SLC35F1: variants seen among roughly 807,000 people sequenced by gnomAD.
SLC35F1 encodes chromosome 6 open reading frame 169.
SLC35F1 carries 14 observed loss-of-function variants against 48.7 expected under a neutral mutation model. The ratio of observed to expected loss-of-function variants is 0.29; its 90% CI spans 0.19 to 0.45. The LOEUF (loss-of-function observed/expected upper bound fraction) is 0.45. Ranked by LOEUF, SLC35F1 falls within the 20% of genes least tolerant of loss-of-function variation. The pLI is 1.00. For synonymous variants in SLC35F1, 190 were observed against 202.2 expected (o/e 0.94, Z 0.51); for missense variants, 404 against 500.0 (o/e 0.81, Z 1.83).
chr6:118,014,268 T>C (rs1346601498), intron 1 of SLC35F1, among the ~76,000 whole-genome samples: 1 of 152,172 alleles, frequency 6.6e-6, no homozygotes, highest in Non-Finnish European at 1.5e-5. Flanking sequence ...TCAAAATGTA[T>C]ATTGTAGTTT....
At position 118,134,374 on chromosome 6, in the gene SLC35F1, G is replaced by A. The variant is rs563938926; in HGVS notation, c.174-20071G>A. 3.9e-5 allele frequency among the ~76,000 whole-genome samples: 6 copies of A among 152,298 alleles called. No homozygotes were observed. The South Asian group carries it at 1.2e-3, about 32-fold the overall frequency. On this transcript the variant is annotated intron_variant, in intron 1 of 7. Coordinates refer to ENST00000360388, the MANE Select transcript of SLC35F1 (RefSeq NM_001029858.4). ...AAACACTTACTTTATCATCTGTCAA[G>A]TCCAGTTGGAAACAGGGAATTAGAA... is the stretch of plus-strand genomic sequence containing the variant.
intron 7 of SLC35F1, among the ~76,000 whole-genome samples, chr6:118,288,877 T>G (rs1007067977): frequency 1.3e-5 from 2 of 152,090 alleles, no homozygotes. Flanking sequence ...CTTGCCAAAC[T>G]GCAGTACAAA....
At chr6:118,182,588 A>G (rs1302767479) in intron 2 of SLC35F1, among the ~76,000 whole-genome samples, 5 of 150,862 alleles carry the variant, frequency 3.3e-5, no homozygotes, top group Non-Finnish European at 7.4e-5. Flanking sequence ...AATTTAGGTC[A>G]GGTACAGTGG....
chr6:118,053,079 G>GAA (rs201602105), intron 1 of SLC35F1, among the ~76,000 whole-genome samples: 42 of 146,860 alleles, frequency 2.9e-4, no homozygotes, highest in Non-Finnish European at 6.2e-4. Flanking sequence ...GCCTCATTTT[G>GAA]AAAAAAAAAA....
chr6:118,200,947 G>A (rs7767442), intron 2 of SLC35F1, among the ~76,000 whole-genome samples: 5 of 152,102 alleles, frequency 3.3e-5, no homozygotes, highest in Admixed American at 2.0e-4. Flanking sequence ...GTGCAATGAC[G>A]TGACGATTGC....
chr6:118,135,242 CTT>C (rs1335316006), intron 1 of SLC35F1, among the ~76,000 whole-genome samples: 1 of 152,192 alleles, frequency 6.6e-6, no homozygotes, highest in Non-Finnish European at 1.5e-5. Context: ...AATTTTGCCT[CTT>C]ATTTGTTAAC....
chr6:117,969,379 T>C (rs992117575), intron 1 of SLC35F1, among the ~76,000 whole-genome samples: 1 of 152,198 alleles, frequency 6.6e-6, no homozygotes, highest in African/African-American at 2.4e-5. Flanking sequence ...GTTGGTCTTG[T>C]AAAAAAGAAA....
intron 1 of SLC35F1, among the ~76,000 whole-genome samples, chr6:117,975,851 A>G (rs946503895): frequency 6.6e-6 from 1 of 152,204 alleles, no homozygotes; most frequent in Non-Finnish European, 1.5e-5. Flanking sequence ...ACTATCTTCT[A>G]TCATTTCTGA....
At chr6:117,969,602 C>G (rs1002388924) in intron 1 of SLC35F1, among the ~76,000 whole-genome samples, 2 of 152,092 alleles carry the variant, frequency 1.3e-5, no homozygotes, top group Non-Finnish European at 2.9e-5. Flanking sequence ...GTGGTCCTAG[C>G]TACTCTGGAG....
intron 1 of SLC35F1, among the ~76,000 whole-genome samples, chr6:118,100,083 A>G (rs1471711641): frequency 6.6e-6 from 1 of 152,172 alleles, no homozygotes; most frequent in Non-Finnish European, 1.5e-5. Context: ...TACTCTCTTT[A>G]TAAGTGAAGA....
chr6:118,230,229 A>T (rs1368250728), intron 2 of SLC35F1, among the ~76,000 whole-genome samples: 1 of 151,804 alleles, frequency 6.6e-6, no homozygotes, highest in Non-Finnish European at 1.5e-5. Context: ...AGTCCCAGCC[A>T]CTCGGGAGGC....
At chr6:118,061,806 T>C (rs756789702) in intron 1 of SLC35F1, among the ~76,000 whole-genome samples, 2 of 152,012 alleles carry the variant, frequency 1.3e-5, no homozygotes, top group Non-Finnish European at 2.9e-5. Flanking sequence ...TAGAGTCTCA[T>C]AAGGAGCATG....
chr6:118,291,142 G>C (rs1179527800), intron 7 of SLC35F1, among the ~76,000 whole-genome samples: 1 of 151,828 alleles, frequency 6.6e-6, no homozygotes. Flanking sequence ...TTATCATTAT[G>C]AGCAAATTAT....
At chr6:117,990,918 C>A (rs1198505270) in intron 1 of SLC35F1, among the ~76,000 whole-genome samples, 1 of 152,064 alleles carries the variant, frequency 6.6e-6, no homozygotes, top group Non-Finnish European at 1.5e-5. Context: ...ATGACTAGGT[C>A]TTAATGAGAT....
chr6:118,184,027 A>T lies in SLC35F1; in HGVS notation c.349+29407A>T, dbSNP rs114611540. Among the ~76,000 whole-genome samples the T allele has an allele frequency of 1.2e-3, 182 of 152,304 alleles. 1 individual carries two copies. The highest frequency in any genetic ancestry group is 4.2e-3 in the African/African-American group (174 of 41,572). On this transcript the variant is annotated intron_variant, in intron 2 of 7. Coordinates refer to ENST00000360388, the MANE Select transcript of SLC35F1 (RefSeq NM_001029858.4). Reference sequence around the variant, plus strand: ...CAGCAAAGACTTTTGTCAAATTGCTAGTGAATCGGCCACAGCTTGCCCTGG... The same window carrying T: ...CAGCAAAGACTTTTGTCAAATTGCTTGTGAATCGGCCACAGCTTGCCCTGG...
chr6:118,292,232 G>T (rs770145531), intron 7 of SLC35F1, among the ~76,000 whole-genome samples: 10 of 152,208 alleles, frequency 6.6e-5, no homozygotes, highest in Admixed American at 1.3e-4. Flanking sequence ...TGATTCCAGG[G>T]TGTAGCCAGG....
At chr6:118,055,801 C>G (rs1179501123) in intron 1 of SLC35F1, among the ~76,000 whole-genome samples, 2 of 152,208 alleles carry the variant, frequency 1.3e-5, no homozygotes, top group Non-Finnish European at 2.9e-5. Context: ...TGCTCACATG[C>G]GTAAGCTGCT....
chr6:118,046,961 A>AC (rs1772310345), intron 1 of SLC35F1, among the ~76,000 whole-genome samples: 1 of 1,782 alleles, frequency 5.6e-4, no homozygotes, highest in Non-Finnish European at 8.9e-3. Context: ...TTTTTGAGAT[A>AC]TAAAAAAATC....
chr6:118,309,311 G>A (rs1482518352), intron 7 of SLC35F1, among the ~76,000 whole-genome samples: 1 of 151,950 alleles, frequency 6.6e-6, no homozygotes, highest in African/African-American at 2.4e-5. Context: ...GAGTAGCTAG[G>A]ACTACAGGCA....
Sources: gnomAD v4.1 joint callset for allele counts (sites outside exome capture counted in the v4.1 genomes callset) on GRCh38, gnomAD v4.1.1 for gene constraint, MANE v1.5 for transcripts, NCBI Gene and HGNC (gene_info 2026-07-23, HGNC 2026-07-21) for gene names.